GLMN: variants seen among roughly 807,000 people sequenced by gnomAD.
The protein encoded by GLMN is glomulin, FKBP associated protein.
Under a neutral mutation model 87.8 loss-of-function variants are expected in GLMN, and 75 were observed. The observed-to-expected ratio is 0.85, with a 90% CI of 0.71 to 1.04. The LOEUF (loss-of-function observed/expected upper bound fraction) is 1.04, where lower values mean the gene tolerates loss of function less well. Among genes scored for constraint, GLMN ranks in the 50% least tolerant of loss-of-function variants. The pLI is 0.00. For synonymous variants in GLMN, 206 were observed against 221.6 expected (o/e 0.93, Z 0.63); for missense variants, 588 against 658.8 (o/e 0.89, Z 1.18).
At chr1:92,297,793 C>A in intron 2 of GLMN, 168 bp downstream of exon 2, 1 of 630,362 alleles carries the variant, frequency 1.6e-6, no homozygotes, top group Non-Finnish European at 2.8e-6. Flanking sequence ...AAGTATGTCA[C>A]CTGGAGAAAT....
chr1:92,357,890 TA>T, the GLMN span, among the ~76,000 whole-genome samples: 2 of 152,220 alleles, frequency 1.3e-5, no homozygotes, highest in Admixed American at 6.5e-5. Flanking sequence ...GAAAGTCATT[TA>T]AATTTTTTGT....
At chr1:92,323,925 G>A in the GLMN span, 2 of 1,614,158 alleles carry the variant, frequency 1.2e-6, no homozygotes, top group South Asian at 2.2e-5. Context: ...AAAGTGCAGA[G>A]CATTTTAAGA....
At chr1:92,254,412 A>G (rs1349157782) in intron 16 of GLMN, among the ~76,000 whole-genome samples, 1 of 152,204 alleles carries the variant, frequency 6.6e-6, no homozygotes, top group African/African-American at 2.4e-5. Context: ...CAGAAAATAC[A>G]GAGAACACCA....
At chr1:92,314,298 T>C in the GLMN span, among the ~76,000 whole-genome samples, 9 of 152,060 alleles carry the variant, frequency 5.9e-5, no homozygotes, top group East Asian at 3.9e-4. Context: ...TCAGAGGCCA[T>C]TGTAAGGGTT....
At chr1:92,310,987 A>G in the GLMN span, among the ~76,000 whole-genome samples, 1 of 152,248 alleles carries the variant, frequency 6.6e-6, no homozygotes, top group Non-Finnish European at 1.5e-5. Flanking sequence ...ACATTATCTC[A>G]TATATGCATA....
the GLMN span, among the ~76,000 whole-genome samples, chr1:92,344,635 G>C: frequency 6.6e-6 from 1 of 151,954 alleles, no homozygotes; most frequent in Non-Finnish European, 1.5e-5. Flanking sequence ...TATATAAATA[G>C]CTGGGCTGTT....
the GLMN span, among the ~76,000 whole-genome samples, chr1:92,305,246 C>T: frequency 6.6e-6 from 1 of 151,762 alleles, no homozygotes; most frequent in African/African-American, 2.4e-5. Flanking sequence ...TCCTGGCTAA[C>T]ACAGTGAAAT....
intron 7 of GLMN, among the ~76,000 whole-genome samples, chr1:92,282,314 A>C (rs1338370200): frequency 6.6e-6 from 1 of 152,242 alleles, no homozygotes; most frequent in African/African-American, 2.4e-5. Flanking sequence ...CTCAGGATTC[A>C]GAAACTCACT....
the GLMN span, among the ~76,000 whole-genome samples, chr1:92,342,264 T>C: frequency 6.6e-6 from 1 of 152,240 alleles, no homozygotes; most frequent in African/African-American, 2.4e-5. Flanking sequence ...CAAGCTGTGT[T>C]GCTGTCTGTG....
chr1:92,268,904 T>G (rs961606521), intron 9 of GLMN, among the ~76,000 whole-genome samples: 41 of 141,412 alleles, frequency 2.9e-4, no homozygotes, highest in African/African-American at 1.0e-3. Flanking sequence ...TACCTGTTAC[T>G]CTGTAATTTC....
In GLMN at chr1:92,246,495, A is replaced by G. The variant is rs558601979; in HGVS notation, c.*35T>C. 5 of 915,564 alleles carry G rather than the reference A, an allele frequency of 5.5e-6. No homozygotes were observed. The highest frequency in any genetic ancestry group is 2.4e-5 in the East Asian group (1 of 41,226). 56.7% of individuals were successfully genotyped at this position (915,564 alleles called of 1,614,324 possible). Reference sequence around the variant, plus strand: ...TAAATGAATCATAATGGAAAGTACTATATTTTATTAGTTTTTATTTAGGAA... The same window carrying G: ...TAAATGAATCATAATGGAAAGTACTGTATTTTATTAGTTTTTATTTAGGAA... On this transcript the variant is annotated 3_prime_UTR_variant, in exon 19 of 19. Coordinates refer to ENST00000370360, the MANE Select transcript of GLMN (RefSeq NM_053274.3).
At chr1:92,295,986 T>C (rs1650002741) in intron 3 of GLMN, among the ~76,000 whole-genome samples, 1 of 152,212 alleles carries the variant, frequency 6.6e-6, no homozygotes, top group Non-Finnish European at 1.5e-5. Flanking sequence ...AGATTTATTA[T>C]ATTGGAGGTT....
chr1:92,363,232 T>A, the GLMN span, among the ~76,000 whole-genome samples: 1 of 152,290 alleles, frequency 6.6e-6, no homozygotes, highest in South Asian at 2.1e-4. Context: ...AGTAACCATT[T>A]GTTTTGGATA....
At chr1:92,292,054 G>A (rs1649470319) in intron 3 of GLMN, among the ~76,000 whole-genome samples, 1 of 152,176 alleles carries the variant, frequency 6.6e-6, no homozygotes, top group South Asian at 2.1e-4. Flanking sequence ...ACAAGTAAAA[G>A]TTTATCTTTA....
At chr1:92,302,436 A>T (rs1242110248), upstream of GLMN, among the ~76,000 whole-genome samples, 2 of 151,846 alleles carry the variant, frequency 1.3e-5, no homozygotes, top group East Asian at 3.9e-4. Flanking sequence ...AATGATTGCA[A>T]TTCCAGTTTT....
At chr1:92,252,963 A>C (rs1172981238) in intron 16 of GLMN, among the ~76,000 whole-genome samples, 1 of 152,210 alleles carries the variant, frequency 6.6e-6, no homozygotes, top group African/African-American at 2.4e-5. Flanking sequence ...ACTACAATGA[A>C]ATTTATTGCC....
chr1:92,320,522 AGCCTCCGAAAGT>A, the GLMN span: 1 of 1,169,134 alleles, frequency 8.6e-7, no homozygotes, highest in South Asian at 1.3e-5. Context: ...CCGCCTGCCC[AGCCTCCGAAAGT>A]GCTGGGGTTA....
At chr1:92,346,405 CCACCTGCCT>C in the GLMN span, among the ~76,000 whole-genome samples, 1 of 152,110 alleles carries the variant, frequency 6.6e-6, no homozygotes, top group Non-Finnish European at 1.5e-5. Flanking sequence ...CTCAAGAGAG[CCACCTGCCT>C]CTACCTCCCA....
At chr1:92,269,549 T>G (rs1656012439) in intron 9 of GLMN, among the ~76,000 whole-genome samples, 174 bp downstream of exon 9, 1 of 152,204 alleles carries the variant, frequency 6.6e-6, no homozygotes, top group African/African-American at 2.4e-5. Context: ...GACTTTGGTG[T>G]AAAACCTCCT....
Sources: allele counts gnomAD v4.1 joint callset (sites outside exome capture counted in the v4.1 genomes callset), GRCh38; gene constraint gnomAD v4.1.1; transcripts MANE v1.5; gene names NCBI Gene and HGNC (gene_info 2026-07-23, HGNC 2026-07-21).